CCDC47: variants seen among roughly 807,000 people sequenced by gnomAD.
CCDC47 encodes PAT complex subunit CCDC47.
In CCDC47, 41 loss-of-function variants were observed where a neutral mutation model predicts 60.5. The ratio of observed to expected loss-of-function variants is 0.68; its 90% CI spans 0.53 to 0.88. The LOEUF (loss-of-function observed/expected upper bound fraction) is 0.88, where lower values mean the gene tolerates loss of function less well. CCDC47 is among the 40% of genes least tolerant of loss of function. The pLI is 0.00. For synonymous variants in CCDC47, 195 were observed against 190.7 expected (o/e 1.02, Z -0.18); for missense variants, 513 against 580.9 (o/e 0.88, Z 1.20).
chr17:63,750,566 A>G (rs1373720786), intron 12 of CCDC47, among the ~76,000 whole-genome samples: 2 of 150,408 alleles, frequency 1.3e-5, no homozygotes, highest in Non-Finnish European at 3.0e-5. Flanking sequence ...TAAAATTCAC[A>G]TCTTTCAGAA....
intron 4 of CCDC47, chr17:63,762,351 CG>C (rs1302828620): frequency 1.8e-6 from 1 of 569,668 alleles, no homozygotes; most frequent in Non-Finnish European, 2.2e-6. Context: ...ATAGTGGAGA[CG>C]GGGTGGACTT....
At chr17:63,749,362 C>A (rs1325844416) in intron 12 of CCDC47, among the ~76,000 whole-genome samples, 7 of 151,508 alleles carry the variant, frequency 4.6e-5, no homozygotes, top group African/African-American at 1.7e-4. Context: ...TGCCATTGCA[C>A]TCTGCCTGGG....
At position 63,747,827 on chromosome 17, in the gene CCDC47, G is replaced by A. The variant is rs555717194; in HGVS notation, c.1372-866C>T. ...TCAAAGGGTGATTTGTAAATTCCTG[G>A]TTTGGGAACTATTGACTGTCTTAGG... is the stretch of plus-strand genomic sequence containing the variant. On this transcript the variant is annotated intron_variant, in intron 12 of 12. Transcript: ENST00000225726. 54 of 978,256 alleles carry A rather than the reference G, an allele frequency of 5.5e-5. No homozygotes were observed. The South Asian group carries it at 1.3e-3, about 23-fold the overall frequency. The allele number at this position is 978,256 out of a possible 1,614,324, so 60.6% of individuals were successfully genotyped here. A position where few individuals can be genotyped will look rare whatever the true frequency, so the allele number is the denominator to read the frequency against.
At chr17:63,761,082 G>A (rs933308841) in intron 5 of CCDC47, 103 bp from the exon 6 acceptor site, 28 of 1,377,756 alleles carry the variant, frequency 2.0e-5, no homozygotes, top group Middle Eastern at 3.7e-4. Context: ...TATACTTTAC[G>A]ACACATTTGC....
chr17:63,756,131 T>TA lies in CCDC47; in HGVS notation c.948+108dup. 5.6e-6 allele frequency: 4 copies of TA among 716,566 alleles called. No individual in the cohort carries two copies. In the South Asian group the frequency reaches 6.3e-5, roughly 11 times the overall value. The allele number at this position is 716,566 out of a possible 1,614,324, so 44.4% of individuals were successfully genotyped here. On this transcript the variant is annotated intron_variant, in intron 8 of 12. Coordinates refer to ENST00000225726, the MANE Select transcript of CCDC47 (RefSeq NM_020198.3). Reference sequence around the variant, plus strand: ...TTAATATTTGTGTGGGAAAGGAATGTAAAACTAATACATTGCCATAAAATG... The same window carrying TA: ...TTAATATTTGTGTGGGAAAGGAATGTAAAAACTAATACATTGCCATAAAATG...
intron 6 of CCDC47, among the ~76,000 whole-genome samples, chr17:63,759,581 CAAT>C (rs2039240856): frequency 2.8e-5 from 2 of 70,514 alleles, no homozygotes; most frequent in Non-Finnish European, 5.6e-5. Context: ...ATATATAAAA[CAAT>C]GATTTTCAAT....
Position 63,773,490 on chromosome 17 carries a change from C to T in CCDC47, c.-98G>A, listed in dbSNP as rs2039368755. Reference sequence around the variant, plus strand: ...GGCCTGCCTCTCGGCCTGGCCGCCGCCTCCGCGATCGCAGCGGTTTTACTG... The same window carrying T: ...GGCCTGCCTCTCGGCCTGGCCGCCGTCTCCGCGATCGCAGCGGTTTTACTG... On this transcript the variant is annotated 5_prime_UTR_variant, in exon 1 of 13. Coordinates refer to ENST00000225726, the MANE Select transcript of CCDC47 (RefSeq NM_020198.3). 1 of 153,004 alleles carries T rather than the reference C, an allele frequency of 6.5e-6. No homozygotes were observed. The highest frequency in any genetic ancestry group is 1.5e-5 in the Non-Finnish European group (1 of 68,668). The allele number at this position is 153,004 out of a possible 1,614,324, so 9.5% of individuals were successfully genotyped here. A position where few individuals can be genotyped will look rare whatever the true frequency, so the allele number is the denominator to read the frequency against.
rs563872581 is a variant in CCDC47 at position 63,760,348 on chromosome 17, C to G, written c.735+566G>C. Among the ~76,000 whole-genome samples the G allele has an allele frequency of 2.5e-4, 38 of 152,312 alleles. 2 individuals are homozygous for G. The highest frequency in any genetic ancestry group is 3.7e-4 in the Non-Finnish European group (25 of 68,038). On this transcript the variant is annotated intron_variant, in intron 6 of 12. Transcript: ENST00000225726. ...ATTGCTTTGCCCTCTATTGTCAAGGCTAACTCCATTGATCTATGTGGTGAC... is the reference window on the plus strand; with the variant it reads ...ATTGCTTTGCCCTCTATTGTCAAGGGTAACTCCATTGATCTATGTGGTGAC...
intron 1 of CCDC47, among the ~76,000 whole-genome samples, chr17:63,767,384 TATC>T (rs2144496834): frequency 6.6e-6 from 1 of 152,296 alleles, no homozygotes; most frequent in South Asian, 2.1e-4. Flanking sequence ...AATATAATGA[TATC>T]ATATCTGTGA....
chr17:63,756,970 G>C (rs2039212019), intron 6 of CCDC47, among the ~76,000 whole-genome samples: 1 of 152,106 alleles, frequency 6.6e-6, no homozygotes, highest in Non-Finnish European at 1.5e-5. Context: ...CAAGAAAATA[G>C]GGACTACAGT....
At chr17:63,755,350 T>C (rs144880004) in intron 8 of CCDC47, 4 of 970,838 alleles carry the variant, frequency 4.1e-6, no homozygotes, top group Non-Finnish European at 4.9e-6. Flanking sequence ...CTGGGTGCAG[T>C]GGCTCATGCC....
intron 5 of CCDC47, 118 bp downstream of exon 5, chr17:63,761,112 T>A: frequency 6.9e-7 from 1 of 1,441,010 alleles, no homozygotes; most frequent in South Asian, 1.2e-5. Context: ...TAAATATCAC[T>A]TTTAGACCTC....
intron 5 of CCDC47, 98 bp from the exon 6 acceptor site, chr17:63,761,077 T>C: frequency 1.4e-6 from 2 of 1,381,520 alleles, no homozygotes; most frequent in Non-Finnish European, 2.0e-6. Flanking sequence ...TCAAATATAC[T>C]TTACGACACA....
intron 2 of CCDC47, among the ~76,000 whole-genome samples, chr17:63,765,387 C>A (rs2039290558): frequency 6.6e-6 from 1 of 151,950 alleles, no homozygotes; most frequent in Admixed American, 6.6e-5. Flanking sequence ...ATCACCCAGG[C>A]TGAAGTGCAG....
chr17:63,762,876 G>A (rs2039270758), intron 4 of CCDC47, among the ~76,000 whole-genome samples: 1 of 152,150 alleles, frequency 6.6e-6, no homozygotes, highest in Middle Eastern at 3.2e-3. Context: ...AAGCTGTTTA[G>A]CAATTTTACT....
At chr17:63,771,730 A>G (rs2039343219) in intron 1 of CCDC47, among the ~76,000 whole-genome samples, 1 of 152,198 alleles carries the variant, frequency 6.6e-6, no homozygotes, top group African/African-American at 2.4e-5. Context: ...TATTTGGTCA[A>G]AAGTGGAAGA....
At chr17:63,765,331 A>G (rs796668293) in intron 2 of CCDC47, among the ~76,000 whole-genome samples, 6 of 152,006 alleles carry the variant, frequency 3.9e-5, no homozygotes, top group African/African-American at 1.2e-4. Context: ...TTTTGATGAC[A>G]AAGTTTTTTC....
At chr17:63,757,358 C>A (rs865868763) in intron 6 of CCDC47, among the ~76,000 whole-genome samples, 11 of 146,490 alleles carry the variant, frequency 7.5e-5, no homozygotes, top group African/African-American at 2.8e-4. Flanking sequence ...CAGAGCAAGA[C>A]CCTGTCTCAA....
rs61267330 is a variant in CCDC47, at chr17:63,762,949, T to C, written c.547+1067A>G. 1.4e-3 allele frequency among the ~76,000 whole-genome samples: 208 copies of C among 152,182 alleles called. 1 individual carries two copies. Among genetic ancestry groups the C allele is most frequent in the African/African-American group, 4.8e-3 (201 of 41,522 alleles). On this transcript the variant is annotated intron_variant, in intron 4 of 12. Coordinates refer to ENST00000225726, the MANE Select transcript of CCDC47 (RefSeq NM_020198.3). ...TATATTCTTATTTTTAGAAACAGGG[T>C]CTCATTCTGTCACCCAGGCTGGAGT...
Sources: gnomAD v4.1 joint callset for allele counts (sites outside exome capture counted in the v4.1 genomes callset) on GRCh38, gnomAD v4.1.1 for gene constraint, MANE v1.5 for transcripts, NCBI Gene and HGNC (gene_info 2026-07-23, HGNC 2026-07-21) for gene names.